The following PHGDH variants were observed in gnomAD, a reference collection of about 807,000 sequenced individuals.
The protein encoded by PHGDH is D-3-phosphoglycerate dehydrogenase.
A neutral mutation model predicts 52.6 loss-of-function variants in PHGDH; 50 were observed. That is an observed-to-expected ratio of 0.95 (90% CI 0.76 to 1.20). The LOEUF is 1.20. Ranked by LOEUF, PHGDH falls within the 50% of genes most tolerant of loss-of-function variation. The pLI, the probability that PHGDH is intolerant of heterozygous loss-of-function variation, is 0.00. For missense variants in PHGDH, 630 were observed against 684.6 expected, an observed-to-expected ratio of 0.92 and a Z score of 0.89; for synonymous variants, 271 against 280.5, an observed-to-expected ratio of 0.97 and a Z score of 0.34.
intron 8 of PHGDH, 72 bp from the exon 9 acceptor site, chr1:119,740,314 G>C: frequency 6.4e-7 from 1 of 1,566,544 alleles, no homozygotes; most frequent in South Asian, 1.1e-5. Context: ...GCTGGGTCTT[G>C]GCAGCCAGAT....
chr1:119,731,028 T>C (rs746431295), intron 5 of PHGDH, among the ~76,000 whole-genome samples: 1 of 152,188 alleles, frequency 6.6e-6, no homozygotes, highest in Non-Finnish European at 1.5e-5. Context: ...TGCACCCTAC[T>C]TGTGGGTCCA....
At chr1:119,718,222 T>C (rs1651012705) in intron 1 of PHGDH, among the ~76,000 whole-genome samples, 1 of 152,196 alleles carries the variant, frequency 6.6e-6, no homozygotes, top group African/African-American at 2.4e-5. Flanking sequence ...ATTTGGAAGG[T>C]AGTTGGAACT....
At chr1:119,725,343 G>A (rs763477888) in intron 3 of PHGDH, among the ~76,000 whole-genome samples, 8 of 152,226 alleles carry the variant, frequency 5.3e-5, no homozygotes, top group Non-Finnish European at 1.0e-4. Context: ...GGTGCCGCAC[G>A]CATACATCTT....
chr1:119,735,739 A>G (rs2101200100), intron 7 of PHGDH, among the ~76,000 whole-genome samples: 1 of 152,286 alleles, frequency 6.6e-6, no homozygotes, highest in East Asian at 1.9e-4. Context: ...TAAAGCCACA[A>G]ATCAGTTCTG....
intron 2 of PHGDH, 172 bp downstream of exon 2, chr1:119,721,493 A>G (rs1267028755): frequency 4.7e-6 from 3 of 638,828 alleles, no homozygotes; most frequent in Non-Finnish European, 8.0e-6. Context: ...AGTGGTTTCA[A>G]GGTTTTTGGA....
intron 10 of PHGDH, 46 bp downstream of exon 10, chr1:119,741,943 AGTCT>A: frequency 2.6e-6 from 4 of 1,528,146 alleles, no homozygotes; most frequent in Non-Finnish European, 3.6e-6. Context: ...TGTCAGCACT[AGTCT>A]TCTCCCCCAC....
At position 119,740,425 on chromosome 1, in the gene PHGDH, A is replaced by T. The variant is rs201298102; in HGVS notation, c.985A>T (p.Thr329Ser). Residue 329 changes from threonine (T) to serine (S), a missense_variant, in exon 9 of 12, where the codon ACC becomes TCC. Physicochemically the swap from Thr to Ser is moderately conservative, Grantham distance 58. Coordinates refer to ENST00000641023, the MANE Select transcript of PHGDH (RefSeq NM_006623.4). Reference sequence around the variant, plus strand: ...CCTTACCAGTGCCTTCTCTCCACACACCAAGCCTTGGATTGGTCTGGCAGA... The same window carrying T: ...CCTTACCAGTGCCTTCTCTCCACACTCCAAGCCTTGGATTGGTCTGGCAGA... The part of the protein sequence containing the change: ...QALTSAFSPH[T>S]KPWIGLAEAL... 3.4e-4 allele frequency: 547 copies of T among 1,613,686 alleles called. 2 individuals are homozygous for T. The highest frequency in any genetic ancestry group is 2.0e-4 in the Non-Finnish European group (237 of 1,179,824).
intron 5 of PHGDH, among the ~76,000 whole-genome samples, chr1:119,727,842 G>GAAACAA (rs1369919618): frequency 6.6e-6 from 1 of 151,942 alleles, no homozygotes; most frequent in Non-Finnish European, 1.5e-5. Flanking sequence ...TTAAAAAACA[G>GAAACAA]AAACAAAAAC....
At chr1:119,742,769 C>A in intron 10 of PHGDH, 38 bp from the exon 11 acceptor site, 1 of 1,285,554 alleles carries the variant, frequency 7.8e-7, no homozygotes, top group Non-Finnish European at 1.1e-6. Flanking sequence ...CGTGGTGCAG[C>A]CAGGAGGTGT....
intron 11 of PHGDH, 41 bp downstream of exon 11, chr1:119,743,085 TG>T (rs1240625180): frequency 1.5e-6 from 2 of 1,302,384 alleles, no homozygotes; most frequent in Non-Finnish European, 2.2e-6. Flanking sequence ...TCCTTGAGGC[TG>T]GGGTGGGGTC....
intron 2 of PHGDH, among the ~76,000 whole-genome samples, chr1:119,722,708 C>A (rs1017263473): frequency 6.6e-6 from 1 of 150,870 alleles, no homozygotes; most frequent in Non-Finnish European, 1.5e-5. Flanking sequence ...AAAGTGAGAC[C>A]CCCATCTCTA....
In PHGDH at chr1:119,727,067, G is replaced by A; in HGVS notation, c.475G>A (p.Glu159Lys). The change falls in exon 5 of 12, where the codon GAG becomes AAG. Residue 159 changes from glutamate (E) to lysine (K), a missense_variant. Glu to Lys is a moderately conservative substitution (Grantham distance 56). Coordinates refer to ENST00000641023, the MANE Select transcript of PHGDH (RefSeq NM_006623.4). ...TCTTGGCCTGGGCAGGATTGGGAGA[G>A]AGGTAGCTACCCGGATGCAGTCCTT... ...GILGLGRIGR[E>K]VATRMQSFGM... The A allele has an allele frequency of 6.2e-7, 1 of 1,612,102 alleles. No homozygotes were observed. Among genetic ancestry groups the A allele is most frequent in the Non-Finnish European group, 8.5e-7 (1 of 1,178,074 alleles).
chr1:119,734,185 G>A (rs587677518), intron 5 of PHGDH: 48 of 282,128 alleles, frequency 1.7e-4, no homozygotes, highest in Middle Eastern at 2.6e-3. Context: ...CTGGCTGTCC[G>A]CTCCCTACAT....
intron 3 of PHGDH, among the ~76,000 whole-genome samples, chr1:119,723,664 A>G (rs1295576715): frequency 6.6e-6 from 1 of 151,532 alleles, no homozygotes; most frequent in Non-Finnish European, 1.5e-5. Context: ...ACTTCTCTTT[A>G]CTCATGTTCT....
intron 2 of PHGDH, among the ~76,000 whole-genome samples, chr1:119,722,887 C>A (rs587702351): frequency 1.9e-4 from 24 of 128,808 alleles, no homozygotes; most frequent in Admixed American, 6.0e-4. Context: ...GGTGACAGAG[C>A]GAGGCCTTGT....
At chr1:119,731,879 T>C (rs372733172) in intron 5 of PHGDH, among the ~76,000 whole-genome samples, 148 of 152,292 alleles carry the variant, frequency 9.7e-4, no homozygotes, top group Non-Finnish European at 1.9e-3. Flanking sequence ...GTGTGTTACC[T>C]GGAATGCTTA....
intron 7 of PHGDH, among the ~76,000 whole-genome samples, chr1:119,736,158 C>T (rs1299661712): frequency 2.0e-5 from 3 of 152,350 alleles, no homozygotes; most frequent in East Asian, 1.9e-4. Flanking sequence ...CTGGCCCTCT[C>T]TGAGCCCCTG....
Position 119,719,306 on chromosome 1 carries a change from T to C in PHGDH, c.139-1864T>C, listed in dbSNP as rs116231937. Among the ~76,000 whole-genome samples, 242 of 152,212 alleles carry C rather than the reference T, an allele frequency of 1.6e-3. 1 individual carries two copies. Among genetic ancestry groups the C allele is most frequent in the African/African-American group, 5.3e-3 (222 of 41,524 alleles). ...CGTACATAGCGGGCATCCGATAAAA[T>C]GAAGGAAGAAAAGTACAGGGGAGGG... is the stretch of plus-strand genomic sequence containing the variant. On this transcript the variant is annotated intron_variant, in intron 1 of 11. Transcript: ENST00000641023.
rs1248332094 is a variant in PHGDH at position 119,723,424 on chromosome 1, GATCATGT to G, written c.340_346del (p.Ile114AlafsTer13). Reference sequence around the variant, plus strand: ...GTGCCGCAGAACTCACTTGTGGAATGATCATGTGCCTGGCCAGGTAAGTCCCTGACTT... The same window carrying G: ...GTGCCGCAGAACTCACTTGTGGAATGGCCTGGCCAGGTAAGTCCCTGACTT... On this transcript the variant is annotated frameshift_variant, in exon 3 of 12. Transcript: ENST00000641023. LOFTEE classifies it high-confidence loss of function. The G allele has an allele frequency of 6.2e-7, 1 of 1,613,602 alleles. No individual in the cohort carries two copies. Among genetic ancestry groups the G allele is most frequent in the Non-Finnish European group, 8.5e-7 (1 of 1,179,676 alleles).
Sources: allele counts gnomAD v4.1 joint callset (sites outside exome capture counted in the v4.1 genomes callset), GRCh38; gene constraint gnomAD v4.1.1; transcripts MANE v1.5; gene names NCBI Gene and HGNC (gene_info 2026-07-23, HGNC 2026-07-21).